The following REPS1 variants were observed in gnomAD, a reference collection of about 807,000 sequenced individuals.
The protein encoded by REPS1 is ralBP1-associated Eps domain-containing protein 1.
REPS1 carries 39 observed loss-of-function variants against 100.9 expected under a neutral mutation model. That is an observed-to-expected ratio of 0.39 (90% CI 0.30 to 0.50). The LOEUF (loss-of-function observed/expected upper bound fraction) is 0.50. Ranked by LOEUF, REPS1 falls within the 20% of genes least tolerant of loss-of-function variation. The pLI is 0.86. For missense variants in REPS1, 821 were observed against 968.5 expected (o/e 0.85, Z 2.02); for synonymous variants, 324 against 340.3 (o/e 0.95, Z 0.53).
At chr6:138,959,120 C>G (rs1783578932) in intron 1 of REPS1, among the ~76,000 whole-genome samples, 1 of 152,168 alleles carries the variant, frequency 6.6e-6, no homozygotes, top group African/African-American at 2.4e-5. Context: ...TCAGCTTCCT[C>G]AGGGCAAGTA....
intron 1 of REPS1, among the ~76,000 whole-genome samples, chr6:138,963,787 G>A (rs552928673): frequency 2.0e-5 from 3 of 152,150 alleles, no homozygotes; most frequent in South Asian, 2.1e-4. Context: ...GTTTAGCTTC[G>A]GGTACATACT....
At position 138,920,291 on chromosome 6, in the gene REPS1, T is replaced by C. The variant is rs764271984; in HGVS notation, c.1452A>G (p.Leu484=). Residue 484 remains leucine, a synonymous_variant, in exon 12 of 20, where the codon TTA becomes TTG. Coordinates refer to ENST00000450536, the MANE Select transcript of REPS1 (RefSeq NM_001286611.2). ...GSDHTNPTSP[L]LVKPSDLLEE... ...CTAAAAGGTCAGATGGTTTCACAAG[T>C]AATGGGCTAGTGGGATTTGTATGAT... 27 of 1,596,608 alleles carry C rather than the reference T, an allele frequency of 1.7e-5. No individual in the cohort carries two copies. In the Admixed American group the frequency reaches 3.7e-4, roughly 22 times the overall value.
intron 19 of REPS1, among the ~76,000 whole-genome samples, chr6:138,905,551 A>C (rs1232621276): frequency 6.6e-6 from 1 of 151,362 alleles, no homozygotes. Context: ...TCGGCCTCCC[A>C]AAGTGCTGGG....
chr6:138,961,680 G>C (rs181500774), intron 1 of REPS1, among the ~76,000 whole-genome samples: 57 of 152,312 alleles, frequency 3.7e-4, no homozygotes, highest in Admixed American at 1.2e-3. Flanking sequence ...ATTAATAATA[G>C]TATTGTTATG....
chr6:138,923,539 C>A (rs1404846854), intron 10 of REPS1, among the ~76,000 whole-genome samples: 1 of 152,168 alleles, frequency 6.6e-6, no homozygotes, highest in Admixed American at 6.5e-5. Context: ...TCAATCACAG[C>A]AAAGACTAAC....
At chr6:138,915,835 T>C (rs766640338) in intron 14 of REPS1, 23 bp downstream of exon 14, 34 of 1,450,150 alleles carry the variant, frequency 2.3e-5, no homozygotes, top group Non-Finnish European at 3.2e-5. Flanking sequence ...TGATAATGTA[T>C]ATTATGGTTC....
In REPS1 at chr6:138,987,628, A is replaced by T. The variant is rs182852984; in HGVS notation, c.55T>A (p.Ser19Thr). 1.2e-5 allele frequency: 18 copies of T among 1,551,032 alleles called. No homozygotes were observed. In the Admixed American group the frequency reaches 1.8e-4, roughly 15 times the overall value. The change falls in exon 1 of 20, where the codon TCC becomes ACC. Residue 19 changes from serine (S) to threonine (T), a missense_variant. Ser to Thr is a moderately conservative substitution (Grantham distance 58). Transcript: ENST00000450536. ...AEQKYYSDLF[S>T]YCDIESTKKV... ...TTGGTGCTCTCAATGTCGCAGTAGG[A>T]GAAGAGATCTGAATAGTATTTCTGC...
chr6:138,956,320 C>T (rs1374200275), intron 1 of REPS1, among the ~76,000 whole-genome samples: 1 of 151,716 alleles, frequency 6.6e-6, no homozygotes, highest in East Asian at 1.9e-4. Flanking sequence ...CCAAGAATAC[C>T]CATGGAGAAG....
intron 1 of REPS1, among the ~76,000 whole-genome samples, chr6:138,972,849 G>A (rs1018829405): frequency 1.2e-4 from 19 of 152,086 alleles, no homozygotes; most frequent in African/African-American, 4.6e-4. Flanking sequence ...TGGTCTCAGA[G>A]TTCCATACTG....
chr6:138,906,569 A>G (rs1779666496), intron 19 of REPS1, among the ~76,000 whole-genome samples: 1 of 152,218 alleles, frequency 6.6e-6, no homozygotes, highest in Non-Finnish European at 1.5e-5. Flanking sequence ...AGAGAGACAA[A>G]TGTGTCACAG....
Position 138,921,178 on chromosome 6 carries a change from C to T in REPS1, c.1339-54G>A, listed in dbSNP as rs535530514. On this transcript the variant is annotated intron_variant, in intron 10 of 19. Coordinates refer to ENST00000450536, the MANE Select transcript of REPS1 (RefSeq NM_001286611.2). ...TTTGTATTAAAATGTCAAGCTAATG[C>T]CATGCAATAATCAAAACAAACAAAA... is the stretch of plus-strand genomic sequence containing the variant. 4.3e-5 allele frequency: 51 copies of T among 1,190,240 alleles called. No individual in the cohort carries two copies. The African/African-American group carries it at 7.5e-4, about 18-fold the overall frequency. The allele number at this position is 1,190,240 out of a possible 1,614,324, so 73.7% of individuals were successfully genotyped here.
intron 1 of REPS1, among the ~76,000 whole-genome samples, chr6:138,969,250 TCTATGATACAAAG>T (rs1233474349): frequency 1.4e-5 from 2 of 147,662 alleles, no homozygotes; most frequent in African/African-American, 5.0e-5. Context: ...CAACACACAA[TCTATGATACAAAG>T]CTGTAATTTT....
In REPS1 at chr6:138,907,571, T is replaced by G; in HGVS notation, c.2246A>C (p.Gln749Pro). 6.2e-7 allele frequency: 1 copy of G among 1,613,352 alleles called. No individual in the cohort carries two copies. Among genetic ancestry groups the G allele is most frequent in the Non-Finnish European group, 8.5e-7 (1 of 1,179,430 alleles). The change falls in exon 19 of 20, where the codon CAG becomes CCG. Residue 749 changes from glutamine to proline, a missense_variant. By Grantham distance (76) the Gln-to-Pro change is moderately conservative (BLOSUM62 -1). Around this residue, in one of 3 missense-constraint regions of REPS1, gnomAD observed 757 missense variants for 866.4 expected, o/e 0.87. Transcript: ENST00000450536. The part of the protein sequence containing the change: ...RSVGKDKKAI[Q>P]ASIRRNKETN... Reference sequence around the variant, plus strand: ...TTCCTTATTACGTCTAATTGATGCCTGAATAGCTTTCTTATCTTTCCCAAC... The same window carrying G: ...TTCCTTATTACGTCTAATTGATGCCGGAATAGCTTTCTTATCTTTCCCAAC...
rs1785351827 is a variant in REPS1 at position 138,987,685 on chromosome 6, T to C, written c.-3A>G. 1.3e-6 allele frequency: 2 copies of C among 1,538,714 alleles called. No individual in the cohort carries two copies. Among genetic ancestry groups the C allele is most frequent in the African/African-American group, 2.8e-5 (2 of 71,630 alleles). On this transcript the variant is annotated 5_prime_UTR_variant, in exon 1 of 20. Transcript: ENST00000450536. ...TCGCTCAGCGTTAAGCCTTCCATCT[T>C]CGCCTCCGGCTCACGGCCGCCCCGC...
At chr6:138,911,880 G>A (rs2128429109) in intron 16 of REPS1, among the ~76,000 whole-genome samples, 1 of 152,284 alleles carries the variant, frequency 6.6e-6, no homozygotes, top group African/African-American at 2.4e-5. Context: ...ATAAATGTGT[G>A]AGGGAGAGGA....
At chr6:138,923,512 A>T (rs1166290986) in intron 10 of REPS1, among the ~76,000 whole-genome samples, 1 of 152,240 alleles carries the variant, frequency 6.6e-6, no homozygotes, top group East Asian at 1.9e-4. Context: ...TAGCATTTTC[A>T]TATATTTGCA....
chr6:138,942,041 G>A (rs1782293672), intron 7 of REPS1, among the ~76,000 whole-genome samples: 1 of 152,044 alleles, frequency 6.6e-6, no homozygotes, highest in Admixed American at 6.5e-5. Context: ...ACCATGCCTG[G>A]CTAATTTTGG....
At chr6:138,967,211 G>A (rs772221831) in intron 1 of REPS1, among the ~76,000 whole-genome samples, 6 of 152,162 alleles carry the variant, frequency 3.9e-5, no homozygotes, top group Non-Finnish European at 5.9e-5. Flanking sequence ...GGACTTCCCA[G>A]CCCCCAGAAC....
intron 1 of REPS1, among the ~76,000 whole-genome samples, chr6:138,966,938 G>A (rs1447909769): frequency 1.3e-5 from 2 of 152,176 alleles, no homozygotes; most frequent in Admixed American, 1.3e-4. Context: ...TTAAACCACA[G>A]GCTATGGTTT....
Sources: allele counts gnomAD v4.1 joint callset (sites outside exome capture counted in the v4.1 genomes callset), GRCh38; gene constraint gnomAD v4.1.1; regional missense constraint gnomAD v4.1.1; transcripts MANE v1.5; gene names NCBI Gene and HGNC (gene_info 2026-07-23, HGNC 2026-07-21).